The following PAQR3 variants were observed in gnomAD, a reference collection of about 807,000 sequenced individuals.
PAQR3 encodes progestin and adipoQ receptor family member 3, also known as Raf kinase trapping to Golgi.
In PAQR3, 39 loss-of-function variants were observed where a neutral mutation model predicts 41.7. That is an observed-to-expected ratio of 0.93 (90% CI 0.72 to 1.22). The LOEUF (loss-of-function observed/expected upper bound fraction) is 1.22, where lower values mean the gene tolerates loss of function less well. Ranked by LOEUF, PAQR3 falls within the 50% of genes most tolerant of loss-of-function variation. PAQR3 has a pLI of 0.00. For synonymous variants in PAQR3, 140 were observed against 140.6 expected (o/e 1.00, Z 0.03); for missense variants, 366 against 385.6 (o/e 0.95, Z 0.42).
chr4:78,911,144 T>G, downstream of PAQR3: 1 of 1,613,932 alleles, frequency 6.2e-7, no homozygotes, highest in Non-Finnish European at 8.5e-7. Flanking sequence ...TTCTTTGCAG[T>G]GCGTGCTCAA....
chr4:78,925,053 T>A (rs1189734233), intron 4 of PAQR3, among the ~76,000 whole-genome samples: 1 of 152,166 alleles, frequency 6.6e-6, no homozygotes, highest in East Asian at 1.9e-4. Context: ...AAATAGAGCT[T>A]ATCAAAGAAT....
chr4:78,908,045 A>C (rs983583057), downstream of PAQR3, among the ~76,000 whole-genome samples: 1 of 152,216 alleles, frequency 6.6e-6, no homozygotes, highest in Non-Finnish European at 1.5e-5. Flanking sequence ...TTTGTTTTTA[A>C]TATCATAAAT....
chr4:78,933,148 C>G (rs571928147), intron 2 of PAQR3: 2 of 456,058 alleles, frequency 4.4e-6, no homozygotes, highest in Non-Finnish European at 8.8e-6. Context: ...GCCTCACTGT[C>G]TCTTCTGCAC....
At chr4:78,921,818 T>C (rs1199995742) in intron 5 of PAQR3, 1 of 985,006 alleles carries the variant, frequency 1.0e-6, no homozygotes, top group African/African-American at 1.7e-5. Flanking sequence ...GACTATCACT[T>C]TTCACTGGAA....
At chr4:78,907,651 T>C (rs1734354310), downstream of PAQR3, among the ~76,000 whole-genome samples, 1 of 152,224 alleles carries the variant, frequency 6.6e-6, no homozygotes, top group Non-Finnish European at 1.5e-5. Context: ...TTAGATTCTT[T>C]TGTGTAGGAC....
chr4:78,931,652 A>G (rs1306943238), intron 2 of PAQR3, among the ~76,000 whole-genome samples: 1 of 152,102 alleles, frequency 6.6e-6, no homozygotes, highest in Non-Finnish European at 1.5e-5. Context: ...GTGGGAGGAT[A>G]TTGACTCTGT....
chr4:78,907,629 G>A (rs11944050), downstream of PAQR3, among the ~76,000 whole-genome samples: 2 of 152,142 alleles, frequency 1.3e-5, no homozygotes, highest in Non-Finnish European at 2.9e-5. Context: ...GGAAATCCTA[G>A]GGTTCATAAA....
intron 4 of PAQR3, 90 bp downstream of exon 4, chr4:78,926,431 C>T (rs1465893927): frequency 9.6e-7 from 1 of 1,044,356 alleles, no homozygotes; most frequent in Admixed American, 2.4e-5. Context: ...AAACATCTAC[C>T]CACTTGGCCT....
Position 78,919,665 on chromosome 4 carries a change from C to CA in PAQR3, c.*873dup. 1.0e-6 allele frequency: 1 copy of CA among 985,102 alleles called. No individual in the cohort carries two copies. Among genetic ancestry groups the CA allele is most frequent in the Non-Finnish European group, 1.2e-6 (1 of 829,770 alleles). The allele number at this position is 985,102 out of a possible 1,614,324, so 61.0% of individuals were successfully genotyped here. On this transcript the variant is annotated 3_prime_UTR_variant, in exon 6 of 6. Coordinates refer to ENST00000512733, the MANE Select transcript of PAQR3 (RefSeq NM_001040202.2). ...TAGCACCCACAATGCTGGGAACCCC[C>CA]ACCACTGGGATATTCAGGACTACAA...
intron 2 of PAQR3, among the ~76,000 whole-genome samples, chr4:78,931,896 G>A (rs908681095): frequency 6.6e-6 from 1 of 152,168 alleles, no homozygotes; most frequent in Admixed American, 6.5e-5. Flanking sequence ...TTATGGGTAT[G>A]ATAAGATACT....
rs1735930576 is a variant in PAQR3, at chr4:78,923,961, C to T, written c.703-14G>A. On this transcript the variant is annotated splice_polypyrimidine_tract_variant and intron_variant, in intron 4 of 5. Transcript: ENST00000512733. The stretch of plus-strand genomic sequence containing the variant: ...GGGTGCAAAGTCCTGAAAAGCAGAA[C>T]ATGTTTTTTTACAGATCTTCCTACT... 6 of 1,589,030 alleles carry T rather than the reference C, an allele frequency of 3.8e-6. No individual in the cohort carries two copies. In the East Asian group the frequency reaches 1.1e-4, roughly 30 times the overall value.
At chr4:78,928,346 C>T (rs1284979133) in intron 3 of PAQR3, among the ~76,000 whole-genome samples, 1 of 152,126 alleles carries the variant, frequency 6.6e-6, no homozygotes, top group African/African-American at 2.4e-5. Flanking sequence ...AAAATCAAGT[C>T]AATTTACAAC....
chr4:78,921,784 A>T (rs1021021372), intron 5 of PAQR3: 3 of 984,710 alleles, frequency 3.0e-6, no homozygotes, highest in Non-Finnish European at 3.6e-6. Flanking sequence ...ATAGTTTCTA[A>T]GGCATTTATA....
In PAQR3 at chr4:78,916,735, A is replaced by G. The variant is rs1025965281; in HGVS notation, c.*3804T>C. ...AAATTTTTAAAAATCTTTAAAACTG[A>G]TAACATCTTTGGCTGAATTAATACT... is the stretch of plus-strand genomic sequence containing the variant. On this transcript the variant is annotated 3_prime_UTR_variant, in exon 6 of 6. Coordinates refer to ENST00000512733, the MANE Select transcript of PAQR3 (RefSeq NM_001040202.2). The G allele has an allele frequency of 1.3e-5, 2 of 151,900 alleles. No homozygotes were observed. The highest frequency in any genetic ancestry group is 6.6e-5 in the Admixed American group (1 of 15,208). The allele number at this position is 151,900 out of a possible 1,614,324, so 9.4% of individuals were successfully genotyped here.
chr4:78,898,211 AC>A (rs989513534), intron 11 of PAQR3, among the ~76,000 whole-genome samples: 1 of 152,148 alleles, frequency 6.6e-6, no homozygotes, highest in African/African-American at 2.4e-5. Context: ...GCTCCCAAAG[AC>A]CCTAGACCCA....
At chr4:78,921,583 T>A in intron 5 of PAQR3, 3 of 801,792 alleles carry the variant, frequency 3.7e-6, no homozygotes, top group Non-Finnish European at 4.5e-6. Context: ...CAACAAATAT[T>A]GATTATCTAA....
chr4:78,897,440 A>G (rs1733761628), intron 11 of PAQR3, among the ~76,000 whole-genome samples: 1 of 144,442 alleles, frequency 6.9e-6, no homozygotes, highest in Non-Finnish European at 1.5e-5. Context: ...CTCTGCTATA[A>G]TTGAATTAAA....
At chr4:78,936,711 A>G (rs1486047104) in intron 1 of PAQR3, among the ~76,000 whole-genome samples, 1 of 152,236 alleles carries the variant, frequency 6.6e-6, no homozygotes, top group African/African-American at 2.4e-5. Context: ...TAACTACAGG[A>G]CTGTTTTGAC....
intron 1 of PAQR3, among the ~76,000 whole-genome samples, chr4:78,936,507 C>G (rs1293184779): frequency 1.3e-5 from 2 of 152,158 alleles, no homozygotes; most frequent in Non-Finnish European, 2.9e-5. Flanking sequence ...TACGTCAACG[C>G]TTACTAGTAA....
Sources: gnomAD v4.1 joint callset for allele counts (sites outside exome capture counted in the v4.1 genomes callset) on GRCh38, gnomAD v4.1.1 for gene constraint, MANE v1.5 for transcripts, NCBI Gene and HGNC (gene_info 2026-07-23, HGNC 2026-07-21) for gene names.